Variants in THAP12 observed in about 807,000 individuals in gnomAD.
THAP12 encodes 52 kDa repressor of the inhibitor of the protein kinase.
In THAP12, 20 loss-of-function variants were observed where a neutral mutation model predicts 63.0. That is an observed-to-expected ratio of 0.32 (90% CI 0.22 to 0.46). The LOEUF (loss-of-function observed/expected upper bound fraction) is 0.46. THAP12 is among the 20% of genes least tolerant of loss of function. The pLI is 1.00. For missense variants in THAP12, 568 were observed against 908.2 expected (o/e 0.63, Z 4.81); for synonymous variants, 264 against 328.4 (o/e 0.80, Z 2.12).
chr11:76,373,383 A>AACTC (rs1287064832), intron 1 of THAP12, among the ~76,000 whole-genome samples: 13 of 151,852 alleles, frequency 8.6e-5, no homozygotes, highest in East Asian at 3.9e-4. Context: ...CTATTATTAC[A>AACTC]ACTCACCCCA....
rs1277396605 is a variant in THAP12, at chr11:76,351,585, T to C, written c.1565A>G (p.Asn522Ser). 7 of 1,586,858 alleles carry C rather than the reference T, an allele frequency of 4.4e-6. No individual in the cohort carries two copies. Among genetic ancestry groups the C allele is most frequent in the Middle Eastern group, 1.7e-4 (1 of 5,878 alleles). The change falls in exon 5 of 5, where the codon AAC becomes AGC. Residue 522 changes from asparagine to serine, a missense_variant. Asn to Ser is a conservative substitution (Grantham distance 46). Transcript: ENST00000260045. The stretch of plus-strand genomic sequence containing the variant: ...AACTTCAATATTTTCCATCACTTCG[T>C]TGAGTGAATGCAGTACTGCAGTCAA... ...GSLTAVLHSLNEVMENIEVYH... is the reference protein window; with the variant it reads ...GSLTAVLHSLSEVMENIEVYH...
chr11:76,357,627 A>T (rs1457613824), intron 3 of THAP12: 1 of 152,220 alleles, frequency 6.6e-6, no homozygotes, highest in African/African-American at 2.4e-5. Flanking sequence ...AATGGATGCA[A>T]AAAAATCAGA....
chr11:76,354,629 G>C (rs561462225), intron 4 of THAP12, among the ~76,000 whole-genome samples: 11 of 151,918 alleles, frequency 7.2e-5, no homozygotes, highest in Admixed American at 5.9e-4. Flanking sequence ...CTTTTATTTG[G>C]TCAGTTGACA....
chr11:76,368,498 G>C (rs1446209848), intron 1 of THAP12: 1 of 152,116 alleles, frequency 6.6e-6, no homozygotes, highest in Non-Finnish European at 1.5e-5. Context: ...GGATAACCAA[G>C]ATAATCTTGA....
chr11:76,361,721 T>C (rs571674340), intron 2 of THAP12, among the ~76,000 whole-genome samples: 4 of 152,222 alleles, frequency 2.6e-5, no homozygotes, highest in Non-Finnish European at 5.9e-5. Flanking sequence ...TATATTACCA[T>C]CTGTATTTTT....
intron 1 of THAP12, among the ~76,000 whole-genome samples, chr11:76,376,615 GTTTT>G (rs375196452): frequency 1.6e-5 from 2 of 127,772 alleles, no homozygotes; most frequent in Non-Finnish European, 3.3e-5. Context: ...TTGTGTCTAT[GTTTT>G]TTTTGTTTTT....
chr11:76,376,957 G>A (rs1946715707), intron 1 of THAP12, among the ~76,000 whole-genome samples: 1 of 152,070 alleles, frequency 6.6e-6, no homozygotes, highest in Admixed American at 6.6e-5. Context: ...CGCATAATGG[G>A]GCAAGGCCAA....
At chr11:76,367,743 A>T (rs1333575560) in intron 1 of THAP12, among the ~76,000 whole-genome samples, 1 of 152,208 alleles carries the variant, frequency 6.6e-6, no homozygotes, top group Non-Finnish European at 1.5e-5. Context: ...CTTTATAATT[A>T]AATCACAGTA....
chr11:76,355,727 C>T, intron 3 of THAP12, 73 bp from the exon 4 acceptor site: 1 of 1,243,798 alleles, frequency 8.0e-7, no homozygotes, highest in Non-Finnish European at 1.1e-6. Context: ...TCATCTTAGA[C>T]TCACAAATAC....
chr11:76,371,330 T>A (rs1207680832), intron 1 of THAP12, among the ~76,000 whole-genome samples: 2 of 152,358 alleles, frequency 1.3e-5, no homozygotes, highest in East Asian at 3.9e-4. Flanking sequence ...CTCTTCTTGC[T>A]GCTTTTTATA....
intron 1 of THAP12, among the ~76,000 whole-genome samples, chr11:76,374,271 G>A (rs994469083): frequency 6.6e-6 from 1 of 151,682 alleles, no homozygotes; most frequent in African/African-American, 2.4e-5. Context: ...AAATCCCATA[G>A]TCTATCTTGC....
At chr11:76,363,126 G>A (rs994834377) in intron 2 of THAP12, among the ~76,000 whole-genome samples, 1 of 152,122 alleles carries the variant, frequency 6.6e-6, no homozygotes, top group African/African-American at 2.4e-5. Flanking sequence ...TTAGGCAACA[G>A]AGTGAGACCC....
Position 76,352,082 on chromosome 11 carries a change from G to A in THAP12, c.1068C>T (p.Tyr356=), listed in dbSNP as rs143107589. The part of the protein sequence containing the change: ...RLLEKYPQAI[Y]TLCSSCALNM... ...TTAAGGCACAGGAAGAGCAGAGTGT[G>A]TAGATAGCTTGGGGATATTTCTCTA... The change falls in exon 5 of 5, where the codon TAC becomes TAT. Residue 356 remains tyrosine, a synonymous_variant. Transcript: ENST00000260045. 1,680 of 1,611,970 alleles carry A rather than the reference G, an allele frequency of 1.0e-3. 21 individuals are homozygous for A. The African/African-American group carries it at 0.02, about 19-fold the overall frequency.
At chr11:76,361,342 C>T (rs1323389836) in intron 2 of THAP12, 1 of 306,860 alleles carries the variant, frequency 3.3e-6, no homozygotes, top group East Asian at 7.4e-5. Context: ...ATTCAGCATC[C>T]CAGCTACTTT....
chr11:76,364,842 G>A (rs1008331125), intron 2 of THAP12, among the ~76,000 whole-genome samples: 2 of 151,976 alleles, frequency 1.3e-5, no homozygotes, highest in Non-Finnish European at 1.5e-5. Flanking sequence ...ACAAAAACAT[G>A]AAAACAAGAG....
chr11:76,378,406 C>G lies in THAP12; in HGVS notation c.89+2342G>C, dbSNP rs145816424. Among the ~76,000 whole-genome samples, 664 of 152,194 alleles carry G rather than the reference C, an allele frequency of 4.4e-3. 3 individuals are homozygous for G. Among genetic ancestry groups the G allele is most frequent in the African/African-American group, 0.015 (636 of 41,504 alleles). ...TGCCACTGCACTGCAGCCTGGGCAA[C>G]AGAGTGAGACTCTCAAAAAAAACAA... On this transcript the variant is annotated intron_variant, in intron 1 of 4. Transcript: ENST00000260045.
intron 2 of THAP12, among the ~76,000 whole-genome samples, chr11:76,365,648 A>C (rs943727380): frequency 6.6e-6 from 1 of 152,172 alleles, no homozygotes; most frequent in Non-Finnish European, 1.5e-5. Flanking sequence ...CGGCCTCCCA[A>C]AGTGCTGGGA....
At chr11:76,377,195 G>A (rs1380881111) in intron 1 of THAP12, among the ~76,000 whole-genome samples, 1 of 152,162 alleles carries the variant, frequency 6.6e-6, no homozygotes, top group Non-Finnish European at 1.5e-5. Context: ...GAAAGTCTCT[G>A]AATTTCAGAC....
intron 4 of THAP12, among the ~76,000 whole-genome samples, chr11:76,354,478 G>A (rs528303593): frequency 2.6e-4 from 40 of 152,180 alleles, no homozygotes; most frequent in Admixed American, 7.9e-4. Context: ...GTTCATTAAA[G>A]AGCAAAGAGT....
Sources: gnomAD v4.1 joint callset for allele counts (sites outside exome capture counted in the v4.1 genomes callset) on GRCh38, gnomAD v4.1.1 for gene constraint, MANE v1.5 for transcripts, NCBI Gene and HGNC (gene_info 2026-07-23, HGNC 2026-07-21) for gene names.